The following KDM4C variants were observed in gnomAD, a reference collection of about 807,000 sequenced individuals.
KDM4C encodes lysine demethylase 4C.
A neutral mutation model predicts 129.3 loss-of-function variants in KDM4C; 81 were observed. The observed-to-expected ratio is 0.63, with a 90% confidence interval of 0.52 to 0.75. KDM4C has a LOEUF of 0.75. KDM4C is among the 30% of genes least tolerant of loss of function. KDM4C has a pLI of 0.00. For missense variants in KDM4C, 1,457 were observed against 1,304.0 expected (o/e 1.12, Z -1.81); for synonymous variants, 573 against 456.1 (o/e 1.26, Z -3.26).
rs183321686 is a variant in KDM4C at position 7,016,943 on chromosome 9, T to C, written c.2259+1014T>C. Among the ~76,000 whole-genome samples, 329 of 152,280 alleles carry C rather than the reference T, an allele frequency of 2.2e-3. 3 individuals carry two copies. Among genetic ancestry groups the C allele is most frequent in the East Asian group, 0.018 (91 of 5,172 alleles). The stretch of plus-strand genomic sequence containing the variant: ...ACTGTGTTCATATCCAGTGTTTATT[T>C]TTCTCTTTTTGAGACAGGGTCTCAC... On this transcript the variant is annotated intron_variant, in intron 15 of 21. Coordinates refer to ENST00000381309, the MANE Select transcript of KDM4C (RefSeq NM_015061.6).
intron 4 of KDM4C, among the ~76,000 whole-genome samples, chr9:6,817,113 C>T (rs1216673598): frequency 6.6e-6 from 1 of 150,732 alleles, no homozygotes; most frequent in African/African-American, 2.4e-5. Context: ...TGAAATAACA[C>T]GAGGGTTGGG....
At chr9:6,725,923 C>A (rs1218828293) in intron 1 of KDM4C, among the ~76,000 whole-genome samples, 2 of 122,302 alleles carry the variant, frequency 1.6e-5, no homozygotes, top group Non-Finnish European at 3.5e-5. Context: ...CTTTTCTTTT[C>A]TTTCTTTATT....
intron 17 of KDM4C, among the ~76,000 whole-genome samples, chr9:7,096,592 C>T (rs916064082): frequency 6.6e-6 from 1 of 152,200 alleles, no homozygotes; most frequent in African/African-American, 2.4e-5. Flanking sequence ...TATTCCCTAC[C>T]TGGGAGACTA....
intron 17 of KDM4C, among the ~76,000 whole-genome samples, chr9:7,051,843 A>G (rs1407554413): frequency 6.6e-6 from 1 of 152,206 alleles, no homozygotes; most frequent in Non-Finnish European, 1.5e-5. Flanking sequence ...ACATTTTTGA[A>G]TCAGACACAG....
At chr9:7,008,467 C>G (rs771856185) in intron 12 of KDM4C, among the ~76,000 whole-genome samples, 9 of 152,220 alleles carry the variant, frequency 5.9e-5, no homozygotes, top group Non-Finnish European at 1.3e-4. Flanking sequence ...ACAACCCCCA[C>G]AGACCCAGGC....
chr9:7,097,713 T>G (rs1836608526), intron 17 of KDM4C, among the ~76,000 whole-genome samples: 1 of 152,238 alleles, frequency 6.6e-6, no homozygotes, highest in African/African-American at 2.4e-5. Flanking sequence ...CTAGTAGTGC[T>G]TTATCTTTCC....
chr9:6,851,097 C>G (rs1838765805), intron 5 of KDM4C, among the ~76,000 whole-genome samples: 1 of 152,146 alleles, frequency 6.6e-6, no homozygotes, highest in South Asian at 2.1e-4. Flanking sequence ...CATACAGGCT[C>G]CAGTGACAAG....
At chr9:6,957,190 C>T (rs1829215951) in intron 8 of KDM4C, among the ~76,000 whole-genome samples, 1 of 152,180 alleles carries the variant, frequency 6.6e-6, no homozygotes, top group Non-Finnish European at 1.5e-5. Context: ...AACACATGTG[C>T]AAATTCTCCC....
At chr9:6,885,523 C>T (rs1845116266) in intron 6 of KDM4C, among the ~76,000 whole-genome samples, 1 of 151,854 alleles carries the variant, frequency 6.6e-6, no homozygotes, top group South Asian at 2.1e-4. Context: ...TTTTTATTAT[C>T]CTAGCCTTCC....
intron 3 of KDM4C, among the ~76,000 whole-genome samples, chr9:6,809,498 C>T (rs566563836): frequency 3.9e-5 from 6 of 152,230 alleles, no homozygotes; most frequent in East Asian, 1.9e-4. Flanking sequence ...GGGATACTTA[C>T]TAAAAACTAT....
intron 4 of KDM4C, among the ~76,000 whole-genome samples, chr9:6,836,571 G>C (rs1032787189): frequency 6.6e-6 from 1 of 152,180 alleles, no homozygotes; most frequent in South Asian, 2.1e-4. Context: ...CCATCACTCT[G>C]GGGTGGCCTG....
intron 5 of KDM4C, among the ~76,000 whole-genome samples, chr9:6,859,206 G>C (rs572816986): frequency 3.3e-5 from 5 of 152,094 alleles, no homozygotes; most frequent in Admixed American, 1.3e-4. Flanking sequence ...GGCCGGGTAC[G>C]GTGGTTCATG....
chr9:6,735,635 C>A (rs974894632), intron 1 of KDM4C, among the ~76,000 whole-genome samples: 2 of 152,198 alleles, frequency 1.3e-5, no homozygotes, highest in Non-Finnish European at 2.9e-5. Context: ...TGCCTTGCTC[C>A]TCCTTGCCTT....
rs547746757 is a variant in KDM4C at position 6,901,322 on chromosome 9, A to G, written c.921+8090A>G. On this transcript the variant is annotated intron_variant, in intron 8 of 21. Transcript: ENST00000381309. ...GGCTTTCCTGCACTTCCACCCCTGCAGGTTCTGCTGAGGTGACACACAGTG... is the reference window on the plus strand; with the variant it reads ...GGCTTTCCTGCACTTCCACCCCTGCGGGTTCTGCTGAGGTGACACACAGTG... Among the ~76,000 whole-genome samples, 37 of 152,262 alleles carry G rather than the reference A, an allele frequency of 2.4e-4. No homozygotes were observed. In the South Asian group the frequency reaches 6.8e-3, roughly 28 times the overall value.
At chr9:6,724,632 G>C (rs1817062917) in intron 1 of KDM4C, among the ~76,000 whole-genome samples, 1 of 152,104 alleles carries the variant, frequency 6.6e-6, no homozygotes, top group African/African-American at 2.4e-5. Context: ...CCAGGTTCAA[G>C]CCATTCTCCT....
chr9:6,787,121 T>G (rs1309721245), intron 1 of KDM4C, among the ~76,000 whole-genome samples: 1 of 152,236 alleles, frequency 6.6e-6, no homozygotes, highest in African/African-American at 2.4e-5. Context: ...GCAGAGTATA[T>G]TTCCTAGACC....
At chr9:6,771,849 C>T (rs891747106) in intron 1 of KDM4C, among the ~76,000 whole-genome samples, 1 of 151,858 alleles carries the variant, frequency 6.6e-6, no homozygotes, top group Non-Finnish European at 1.5e-5. Flanking sequence ...AATGGGTGAC[C>T]TGCATGGTAG....
intron 8 of KDM4C, among the ~76,000 whole-genome samples, chr9:6,930,123 C>G (rs1018062835): frequency 6.6e-6 from 1 of 152,150 alleles, no homozygotes; most frequent in Admixed American, 6.6e-5. Flanking sequence ...GTGTCTCTAT[C>G]GCCTAAGATT....
chr9:6,889,547 G>T (rs938847440), intron 7 of KDM4C, among the ~76,000 whole-genome samples: 1 of 152,168 alleles, frequency 6.6e-6, no homozygotes, highest in East Asian at 1.9e-4. Context: ...CAGAGGGGCT[G>T]CTGTGGCTGT....
Sources: gnomAD v4.1 joint callset for allele counts (sites outside exome capture counted in the v4.1 genomes callset) on GRCh38, gnomAD v4.1.1 for gene constraint, MANE v1.5 for transcripts, NCBI Gene and HGNC (gene_info 2026-07-23, HGNC 2026-07-21) for gene names.